Variants in C12orf42 observed in about 807,000 individuals in gnomAD.
C12orf42 encodes the protein chromosome 12 open reading frame 42, also known as uncharacterized protein C12orf42.
In C12orf42, 25 loss-of-function variants were observed where a neutral mutation model predicts 21.6. That is an observed-to-expected ratio of 1.16 (90% CI 0.84 to 1.62). C12orf42 has a LOEUF of 1.62. Among genes scored for constraint, C12orf42 ranks in the 40% most tolerant of loss-of-function variants. The pLI is 0.00. For synonymous variants in C12orf42, 174 were observed against 175.0 expected (o/e 0.99, Z 0.05); for missense variants, 483 against 459.3 (o/e 1.05, Z -0.47).
the C12orf42 span, among the ~76,000 whole-genome samples, chr12:103,110,043 A>C: frequency 1.3e-5 from 2 of 152,248 alleles, no homozygotes; most frequent in East Asian, 3.9e-4. Context: ...TGTCTCAAAA[A>C]ATAAAAAATA....
chr12:103,227,016 G>A, the C12orf42 span, among the ~76,000 whole-genome samples: 120 of 152,220 alleles, frequency 7.9e-4, 1 homozygote, highest in African/African-American at 2.6e-3. Flanking sequence ...AACTACTGTC[G>A]AGTTTGTATT....
At chr12:103,417,723 AC>A (rs1157395086) in intron 2 of C12orf42, among the ~76,000 whole-genome samples, 1 of 152,228 alleles carries the variant, frequency 6.6e-6, no homozygotes, top group Non-Finnish European at 1.5e-5. Context: ...TACTGGGTAG[AC>A]GTTTGCACAA....
At chr12:103,090,340 A>T in the C12orf42 span, among the ~76,000 whole-genome samples, 3 of 152,332 alleles carry the variant, frequency 2.0e-5, no homozygotes, top group South Asian at 6.2e-4. Flanking sequence ...ACCGAATTAA[A>T]TGCTGAAGCC....
At chr12:103,368,086 T>C in intron 4 of C12orf42, 4 of 1,283,734 alleles carry the variant, frequency 3.1e-6, no homozygotes, top group Non-Finnish European at 3.0e-6. Context: ...AAATATATCC[T>C]TTCAGGTCAG....
chr12:103,533,392 C>T, the C12orf42 span, among the ~76,000 whole-genome samples: 4 of 152,134 alleles, frequency 2.6e-5, no homozygotes, highest in Admixed American at 6.5e-5. Flanking sequence ...TTTCTGGTTG[C>T]TCTCGTCCAT....
At chr12:103,531,211 T>C in the C12orf42 span, among the ~76,000 whole-genome samples, 3 of 152,264 alleles carry the variant, frequency 2.0e-5, no homozygotes, top group Admixed American at 2.0e-4. Context: ...AGAGAGTTTC[T>C]TGATGACATT....
intron 4 of C12orf42, among the ~76,000 whole-genome samples, chr12:103,293,425 C>A (rs998657191): frequency 6.6e-6 from 1 of 152,070 alleles, no homozygotes; most frequent in South Asian, 2.1e-4. Context: ...TCAGGTACCA[C>A]GAAAGTTGAT....
chr12:103,168,235 C>T, the C12orf42 span: 3 of 373,618 alleles, frequency 8.0e-6, no homozygotes, highest in Middle Eastern at 3.7e-4. Flanking sequence ...ATTCAATGTA[C>T]TCAATTTATT....
chr12:103,144,763 G>A, the C12orf42 span, among the ~76,000 whole-genome samples: 1 of 152,144 alleles, frequency 6.6e-6, no homozygotes, highest in Non-Finnish European at 1.5e-5. Flanking sequence ...GGAGTTGGCT[G>A]CTGGCCACGG....
At chr12:103,140,338 C>T in the C12orf42 span, among the ~76,000 whole-genome samples, 2 of 152,026 alleles carry the variant, frequency 1.3e-5, no homozygotes, top group East Asian at 3.9e-4. Context: ...ATATTCAGAC[C>T]CCGGGAAGGG....
chr12:103,354,522 C>T (rs1030643230), intron 4 of C12orf42, among the ~76,000 whole-genome samples: 4 of 152,124 alleles, frequency 2.6e-5, no homozygotes, highest in African/African-American at 7.2e-5. Context: ...TGAGGCCACC[C>T]TTTTAGAAAT....
At chr12:103,415,927 A>C (rs949518514) in intron 2 of C12orf42, among the ~76,000 whole-genome samples, 2 of 152,150 alleles carry the variant, frequency 1.3e-5, no homozygotes, top group Non-Finnish European at 2.9e-5. Flanking sequence ...CCTGTTTCCA[A>C]GAAGAAAAAA....
rs139678581 is a variant in C12orf42, at chr12:103,303,151, G to A, written c.632-592C>T. Among the ~76,000 whole-genome samples, 302 of 152,122 alleles carry A rather than the reference G, an allele frequency of 2.0e-3. 1 individual carries two copies. The highest frequency in any genetic ancestry group is 7.0e-3 in the African/African-American group (290 of 41,500). On this transcript the variant is annotated intron_variant, in intron 5 of 5. Coordinates refer to ENST00000548883, the MANE Select transcript of C12orf42 (RefSeq NM_198521.5). Reference sequence around the variant, plus strand: ...CACACATATCCACTAATACTAATAAGTTTGACTTTTTTCTTTCTTTGCCCA... The same window carrying A: ...CACACATATCCACTAATACTAATAAATTTGACTTTTTTCTTTCTTTGCCCA...
intron 5 of C12orf42, among the ~76,000 whole-genome samples, chr12:103,276,876 CAT>C (rs999672736): frequency 2.0e-4 from 30 of 151,972 alleles, no homozygotes; most frequent in Admixed American, 1.6e-3. Flanking sequence ...GAATTGATAA[CAT>C]GTGATAATTA....
At chr12:103,058,632 T>G in the C12orf42 span, among the ~76,000 whole-genome samples, 3 of 152,158 alleles carry the variant, frequency 2.0e-5, no homozygotes, top group Non-Finnish European at 4.4e-5. Flanking sequence ...TATAACAGTC[T>G]CTCAGACCAC....
chr12:103,109,361 G>A, the C12orf42 span, among the ~76,000 whole-genome samples: 1 of 152,032 alleles, frequency 6.6e-6, no homozygotes, highest in Non-Finnish European at 1.5e-5. Flanking sequence ...GTGCGTGTGT[G>A]TGTCTGTAGG....
chr12:103,169,177 TAAATA>T, the C12orf42 span, among the ~76,000 whole-genome samples: 2 of 149,662 alleles, frequency 1.3e-5, no homozygotes, highest in Non-Finnish European at 3.0e-5. Flanking sequence ...AATAAATAAA[TAAATA>T]AATAAATAAA....
intron 2 of C12orf42, among the ~76,000 whole-genome samples, chr12:103,443,858 G>A (rs776075131): frequency 6.6e-6 from 1 of 152,018 alleles, no homozygotes; most frequent in Non-Finnish European, 1.5e-5. Context: ...CTTTATAGAT[G>A]ATATCAAATT....
chr12:103,535,064 T>G, the C12orf42 span, among the ~76,000 whole-genome samples: 1 of 152,190 alleles, frequency 6.6e-6, no homozygotes, highest in African/African-American at 2.4e-5. Context: ...TACTGTTATT[T>G]CTAGTAATCC....
Sources: allele counts gnomAD v4.1 joint callset (sites outside exome capture counted in the v4.1 genomes callset), GRCh38; gene constraint gnomAD v4.1.1; transcripts MANE v1.5; gene names NCBI Gene and HGNC (gene_info 2026-07-23, HGNC 2026-07-21).